The following SDK1 variants were observed in gnomAD, a reference collection of about 807,000 sequenced individuals.
SDK1 encodes the protein sidekick cell adhesion molecule 1, also known as protein sidekick-1.
SDK1 carries 157 observed loss-of-function variants against 245.5 expected under a neutral mutation model. That is an observed-to-expected ratio of 0.64 (90% CI 0.56 to 0.73). SDK1 has a LOEUF of 0.73. Among genes scored for constraint, SDK1 ranks in the 30% least tolerant of loss-of-function variants. The probability of loss-of-function intolerance (pLI) is 0.00; values close to 1 mark genes in which losing one functional copy is unlikely to be tolerated. For synonymous variants in SDK1, 1,647 were observed against 1,278.5 expected (o/e 1.29, Z -6.15); for missense variants, 3,583 against 3,002.3 (o/e 1.19, Z -4.52).
At chr7:3,909,793 C>T (rs986913077) in intron 5 of SDK1, among the ~76,000 whole-genome samples, 11 of 152,194 alleles carry the variant, frequency 7.2e-5, no homozygotes, top group African/African-American at 1.7e-4. Flanking sequence ...TTTTGCATAG[C>T]GTGCTTGCCT....
In SDK1 at chr7:4,145,762, C is replaced by T. The variant is rs755584138; in HGVS notation, c.4269C>T (p.His1423=). The stretch of plus-strand genomic sequence containing the variant: ...ACCGCCTGGCCAGCAGCAGCCCCCA[C>T]ACCTTCACCACCGTGGAGGTCGGCG... ...IAYRLASSSP[H]TFTTVEVGAT... Residue 1423 remains histidine (H), a synonymous_variant, in exon 29 of 45, where the codon CAC becomes CAT. Coordinates refer to ENST00000404826, the MANE Select transcript of SDK1 (RefSeq NM_152744.4). The T allele has an allele frequency of 3.7e-6, 6 of 1,612,670 alleles. No individual in the cohort carries two copies. The highest frequency in any genetic ancestry group is 1.7e-5 in the Admixed American group (1 of 59,802).
rs1202923948 is a variant in SDK1 at position 3,693,916 on chromosome 7, C to G, written c.713+51811C>G. Among the ~76,000 whole-genome samples the G allele has an allele frequency of 2.0e-5, 3 of 152,274 alleles. No homozygotes were observed. In the East Asian group the frequency reaches 5.8e-4, roughly 29 times the overall value. On this transcript the variant is annotated intron_variant, in intron 4 of 44. Coordinates refer to ENST00000404826, the MANE Select transcript of SDK1 (RefSeq NM_152744.4). The stretch of plus-strand genomic sequence containing the variant: ...CTCTGCCTTGACCCTGACCTCTGCC[C>G]CAGGACTGTGTCCATGCTCTGACAC...
In SDK1 at chr7:3,962,773, G is replaced by C; in HGVS notation, c.1351G>C (p.Glu451Gln). The change falls in exon 9 of 45, where the codon GAG becomes CAG. Residue 451 changes from glutamate to glutamine, a missense_variant. Transcript: ENST00000404826. ...CCTGCGCATCCAGAAGCTGCGTCCA[G>C]AGGACTCCGGAATCTTCCAGTGCTT... ...GGLRIQKLRPEDSGIFQCFAS... is the reference protein window; with the variant it reads ...GGLRIQKLRPQDSGIFQCFAS... The C allele has an allele frequency of 1.9e-6, 3 of 1,613,726 alleles. No homozygotes were observed. Among genetic ancestry groups the C allele is most frequent in the Non-Finnish European group, 2.5e-6 (3 of 1,179,870 alleles).
chr7:3,966,303 G>C (rs1203084074), intron 9 of SDK1, among the ~76,000 whole-genome samples: 2 of 152,136 alleles, frequency 1.3e-5, no homozygotes, highest in African/African-American at 4.8e-5. Context: ...GCTGTGCCCT[G>C]GGTCCCGTGA....
chr7:4,206,100 C>G, intron 36 of SDK1, 106 bp downstream of exon 36: 1 of 723,390 alleles, frequency 1.4e-6, no homozygotes, highest in Non-Finnish European at 2.3e-6. Flanking sequence ...GGCGCTCCAC[C>G]TGGAGAGCTG....
intron 4 of SDK1, among the ~76,000 whole-genome samples, chr7:3,664,986 C>T (rs1219836492): frequency 1.3e-5 from 2 of 152,146 alleles, no homozygotes. Context: ...ATGATTCAGA[C>T]CATTATAAAC....
chr7:3,869,879 C>A (rs954721808), intron 5 of SDK1, among the ~76,000 whole-genome samples: 1 of 152,090 alleles, frequency 6.6e-6, no homozygotes, highest in African/African-American at 2.4e-5. Flanking sequence ...TCCTTTGGTT[C>A]CCACAGGGTA....
chr7:4,063,605 A>AAAAAAAAACAAAAC (rs1316706124), intron 19 of SDK1, among the ~76,000 whole-genome samples: 14 of 151,480 alleles, frequency 9.2e-5, no homozygotes, highest in African/African-American at 3.2e-4. Flanking sequence ...AGCAAAAAAA[A>AAAAAAAAACAAAAC]AAAACAAAAA....
chr7:3,728,562 TGAGAA>T (rs1779081472), intron 4 of SDK1, among the ~76,000 whole-genome samples: 1 of 152,152 alleles, frequency 6.6e-6, no homozygotes, highest in Non-Finnish European at 1.5e-5. Flanking sequence ...CTTGTGACAT[TGAGAA>T]GAGAAGTTGG....
In SDK1 at chr7:4,202,495, G is replaced by A. The variant is rs1027800418; in HGVS notation, c.5099-3384G>A. Among the ~76,000 whole-genome samples the A allele has an allele frequency of 3.9e-5, 6 of 152,226 alleles. No homozygotes were observed. The South Asian group carries it at 1.2e-3, about 32-fold the overall frequency. On this transcript the variant is annotated intron_variant, in intron 35 of 44. Transcript: ENST00000404826. ...GGCCATGTGACTCTCCAGAAAGTGA[G>A]TTGTTTGGTCACGTGGGGCCAGAGG...
At chr7:3,322,830 C>A (rs1425335750) in intron 1 of SDK1, among the ~76,000 whole-genome samples, 3 of 152,100 alleles carry the variant, frequency 2.0e-5, no homozygotes, top group Admixed American at 1.3e-4. Context: ...ACCCATAAGA[C>A]CTTGTCTCTG....
chr7:4,177,592 C>G (rs886187368), intron 34 of SDK1, among the ~76,000 whole-genome samples: 1 of 152,230 alleles, frequency 6.6e-6, no homozygotes, highest in Admixed American at 6.5e-5. Flanking sequence ...GATTCTGAAC[C>G]AAAAGGCAGG....
At chr7:3,596,580 C>A (rs1455009494) in intron 1 of SDK1, among the ~76,000 whole-genome samples, 1 of 152,186 alleles carries the variant, frequency 6.6e-6, no homozygotes, top group Admixed American at 6.5e-5. Flanking sequence ...TCTCCATCAC[C>A]CCTGCAAGTT....
At chr7:3,952,473 C>T (rs907990297) in intron 7 of SDK1, among the ~76,000 whole-genome samples, 1 of 152,018 alleles carries the variant, frequency 6.6e-6, no homozygotes, top group African/African-American at 2.4e-5. Flanking sequence ...ATCCCAGCCA[C>T]TCGGGAGGCG....
chr7:4,251,648 A>G (rs1046556280), intron 44 of SDK1, among the ~76,000 whole-genome samples: 1 of 152,240 alleles, frequency 6.6e-6, no homozygotes, highest in Non-Finnish European at 1.5e-5. Flanking sequence ...GGCATAAACC[A>G]TATTATTTGT....
chr7:4,157,873 A>T (rs192531978), intron 30 of SDK1, among the ~76,000 whole-genome samples: 122 of 152,270 alleles, frequency 8.0e-4, no homozygotes, highest in Middle Eastern at 6.8e-3. Flanking sequence ...CTCTGCCTGC[A>T]GCCGGCCAGG....
chr7:3,400,820 A>G (rs1308381955), intron 1 of SDK1, among the ~76,000 whole-genome samples: 2 of 152,204 alleles, frequency 1.3e-5, no homozygotes, highest in South Asian at 4.1e-4. Context: ...TGAGGAATCT[A>G]TTATGCAACA....
intron 30 of SDK1, among the ~76,000 whole-genome samples, chr7:4,153,082 C>T (rs1282502363): frequency 1.3e-5 from 2 of 152,084 alleles, no homozygotes; most frequent in East Asian, 3.9e-4. Context: ...GTGCATCTGG[C>T]TGTGATGGGC....
intron 5 of SDK1, among the ~76,000 whole-genome samples, chr7:3,909,382 G>A (rs977223592): frequency 6.6e-6 from 1 of 152,196 alleles, no homozygotes; most frequent in Non-Finnish European, 1.5e-5. Context: ...CTCCTGTGGA[G>A]CAGCTGTGGA....
Sources: gnomAD v4.1 joint callset for allele counts (sites outside exome capture counted in the v4.1 genomes callset) on GRCh38, gnomAD v4.1.1 for gene constraint, MANE v1.5 for transcripts, NCBI Gene and HGNC (gene_info 2026-07-23, HGNC 2026-07-21) for gene names.